LRRN3: variants seen among roughly 807,000 people sequenced by gnomAD.
The protein encoded by LRRN3 is leucine rich repeat neuronal 3.
In LRRN3, 15 loss-of-function variants were observed where a neutral mutation model predicts 40.1. That is an observed-to-expected ratio of 0.37 (90% CI 0.25 to 0.58). The LOEUF (loss-of-function observed/expected upper bound fraction) is 0.58. Ranked by LOEUF, LRRN3 falls within the 20% of genes least tolerant of loss-of-function variation. LRRN3 has a pLI of 0.72. For synonymous variants in LRRN3, 308 were observed against 297.2 expected, an observed-to-expected ratio of 1.04 and a Z score of -0.37; for missense variants, 746 against 837.7, an observed-to-expected ratio of 0.89 and a Z score of 1.35.
At chr7:111,118,773 C>T (rs905492403) in intron 2 of LRRN3, among the ~76,000 whole-genome samples, 3 of 152,018 alleles carry the variant, frequency 2.0e-5, no homozygotes, top group Non-Finnish European at 4.4e-5. Flanking sequence ...CAATATTATG[C>T]TAAAGAAACG....
intron 2 of LRRN3, among the ~76,000 whole-genome samples, chr7:111,104,861 GA>G (rs1396450533): frequency 6.6e-6 from 1 of 151,744 alleles, no homozygotes; most frequent in Non-Finnish European, 1.5e-5. Flanking sequence ...ATGGCTTCTA[GA>G]ACAGTGGGGA....
At chr7:111,121,820 A>T (rs1800661535) in intron 2 of LRRN3, among the ~76,000 whole-genome samples, 1 of 152,194 alleles carries the variant, frequency 6.6e-6, no homozygotes. Context: ...AAAGACTTGG[A>T]ACCAACCCAA....
Position 111,123,934 on chromosome 7 carries a change from T to C in LRRN3, c.1162T>C (p.Phe388Leu). 6.2e-7 allele frequency: 1 copy of C among 1,613,952 alleles called. No homozygotes were observed. Among genetic ancestry groups the C allele is most frequent in the Non-Finnish European group, 8.5e-7 (1 of 1,179,978 alleles). ...WMNMNKTNIRFMEPDSLFCVD... is the reference protein window; with the variant it reads ...WMNMNKTNIRLMEPDSLFCVD... ...GAACATGAACAAAACCAACATTCGA[T>C]TCATGGAGCCAGATTCACTGTTTTG... Residue 388 changes from phenylalanine (F) to leucine (L), a missense_variant, in exon 3 of 3, where the codon TTC (phenylalanine) becomes CTC (leucine). Coordinates refer to ENST00000308478, the MANE Select transcript of LRRN3 (RefSeq NM_001099658.2). This position sits in a 1 kb window ranked among gnomAD's most constrained non-coding sequence, Gnocchi z 6.4.
chr7:111,110,101 C>A (rs750611493), intron 2 of LRRN3, among the ~76,000 whole-genome samples: 2 of 152,194 alleles, frequency 1.3e-5, no homozygotes, highest in Non-Finnish European at 2.9e-5. Flanking sequence ...CGCCACTGCA[C>A]TCCAGCCTAG....
intron 1 of LRRN3, among the ~76,000 whole-genome samples, chr7:111,093,661 T>C (rs2107147): frequency 0.71 from 107,931 of 151,960 alleles, 40,521 homozygotes; most frequent in East Asian, 0.88. Context: ...AGATCAGTAA[T>C]GTGCCCACTT....
At chr7:111,118,651 A>G (rs890504663) in intron 2 of LRRN3, among the ~76,000 whole-genome samples, 1 of 152,142 alleles carries the variant, frequency 6.6e-6, no homozygotes, top group African/African-American at 2.4e-5. Flanking sequence ...TTTGAAAACT[A>G]TAAAGCACTA....
At chr7:111,096,754 G>A (rs1353129379) in intron 1 of LRRN3, among the ~76,000 whole-genome samples, 1 of 151,880 alleles carries the variant, frequency 6.6e-6, no homozygotes, top group Non-Finnish European at 1.5e-5. Flanking sequence ...TGGATCAAGT[G>A]TCAACATAAA....
chr7:111,106,009 A>G (rs1485522076), intron 2 of LRRN3, among the ~76,000 whole-genome samples: 1 of 152,010 alleles, frequency 6.6e-6, no homozygotes, highest in African/African-American at 2.4e-5. Context: ...AAGAGCAAGT[A>G]CAAATAATAG....
chr7:111,114,434 A>G (rs990326323), intron 2 of LRRN3, among the ~76,000 whole-genome samples: 5 of 152,258 alleles, frequency 3.3e-5, no homozygotes, highest in Non-Finnish European at 7.4e-5. Context: ...CATTGTATTA[A>G]GTTTGCACAA....
At chr7:111,103,348 C>A (rs115290536) in intron 2 of LRRN3, among the ~76,000 whole-genome samples, 158 of 151,708 alleles carry the variant, frequency 1.0e-3, no homozygotes, top group African/African-American at 3.7e-3. Flanking sequence ...CAAATATTTG[C>A]CAACTGCTAA....
chr7:111,101,886 A>G (rs951997024), intron 2 of LRRN3, among the ~76,000 whole-genome samples: 1 of 151,534 alleles, frequency 6.6e-6, no homozygotes, highest in Non-Finnish European at 1.5e-5. Flanking sequence ...CAGTCAGGTG[A>G]TATCTGTAGA....
chr7:111,117,562 T>A (rs2129586245), intron 2 of LRRN3, among the ~76,000 whole-genome samples: 1 of 152,216 alleles, frequency 6.6e-6, no homozygotes, highest in Non-Finnish European at 1.5e-5. Context: ...AAATAATTTG[T>A]TTTGAAAAAC....
intron 2 of LRRN3, among the ~76,000 whole-genome samples, chr7:111,112,236 T>C (rs919771234): frequency 3.9e-5 from 6 of 152,116 alleles, no homozygotes; most frequent in African/African-American, 1.4e-4. Flanking sequence ...AGTGCTGGGA[T>C]TACAGGCATG....
intron 2 of LRRN3, among the ~76,000 whole-genome samples, chr7:111,121,779 G>GT (rs1331265237): frequency 6.6e-6 from 1 of 152,108 alleles, no homozygotes; most frequent in Admixed American, 6.5e-5. Context: ...ACATGCACAC[G>GT]TATGTTTATT....
At position 111,124,017 on chromosome 7, in the gene LRRN3, G is replaced by A. The variant is rs1371536469; in HGVS notation, c.1245G>A (p.Met415Ile). 1.2e-6 allele frequency: 2 copies of A among 1,614,090 alleles called. No homozygotes were observed. Among genetic ancestry groups the A allele is most frequent in the Non-Finnish European group, 1.7e-6 (2 of 1,179,994 alleles). The change falls in exon 3 of 3, where the codon ATG becomes ATA. Residue 415 changes from methionine (M) to isoleucine (I), a missense_variant. Met to Ile is a conservative substitution (Grantham distance 10). Coordinates refer to ENST00000308478, the MANE Select transcript of LRRN3 (RefSeq NM_001099658.2). ...TTCGGCAAGTGCATTTCAGGGACAT[G>A]ATGGAAATTTGTCTCCCTCTTATAG... Reference protein sequence around the residue: ...QNVRQVHFRDMMEICLPLIAP... With the variant: ...QNVRQVHFRDIMEICLPLIAP...
intron 1 of LRRN3, among the ~76,000 whole-genome samples, chr7:111,097,780 CA>C (rs1456656600): frequency 2.0e-5 from 3 of 151,690 alleles, no homozygotes; most frequent in Non-Finnish European, 4.4e-5. Context: ...ACATGTTCTA[CA>C]AAAAGTATTC....
chr7:111,124,543 A>C lies in LRRN3; in HGVS notation c.1771A>C (p.Ile591Leu), dbSNP rs1801057156. ...THLNPSTEYK[I>L]CIDIPTIYQK... Reference sequence around the variant, plus strand: ...TCTGAATCCATCAACTGAGTATAAAATTTGTATTGATATTCCCACCATCTA... The same window carrying C: ...TCTGAATCCATCAACTGAGTATAAACTTTGTATTGATATTCCCACCATCTA... The change falls in exon 3 of 3, where the codon ATT becomes CTT. Residue 591 changes from isoleucine to leucine, a missense_variant. Coordinates refer to ENST00000308478, the MANE Select transcript of LRRN3 (RefSeq NM_001099658.2). The C allele has an allele frequency of 6.2e-7, 1 of 1,613,682 alleles. No individual in the cohort carries two copies. The highest frequency in any genetic ancestry group is 8.5e-7 in the Non-Finnish European group (1 of 1,179,792).
chr7:111,116,500 A>G (rs1203842681), intron 2 of LRRN3, among the ~76,000 whole-genome samples: 1 of 152,154 alleles, frequency 6.6e-6, no homozygotes, highest in East Asian at 1.9e-4. Context: ...TTGAACAATA[A>G]CAAAAATAAT....
In LRRN3 at chr7:111,124,225, G is replaced by A. The variant is rs751239044; in HGVS notation, c.1453G>A (p.Gly485Ser). The change falls in exon 3 of 3, where the codon GGC becomes AGC. Residue 485 changes from glycine to serine, a missense_variant. Gly to Ser is a moderately conservative substitution (Grantham distance 56). Transcript: ENST00000308478. The stretch of plus-strand genomic sequence containing the variant: ...TTCTGAGGGAACACTAGATATAAAT[G>A]GCGTAACTCCCAAAGAAGGGGGTTT... The part of the protein sequence containing the change: ...VHSEGTLDIN[G>S]VTPKEGGLYT... The A allele has an allele frequency of 1.4e-5, 22 of 1,613,818 alleles. No homozygotes were observed. The highest frequency in any genetic ancestry group is 1.9e-5 in the Non-Finnish European group (22 of 1,179,960).
Sources: gnomAD v4.1 joint callset for allele counts (sites outside exome capture counted in the v4.1 genomes callset) on GRCh38, gnomAD v4.1.1 for gene constraint, Gnocchi (gnomAD v3.1) non-coding constraint, MANE v1.5 for transcripts, NCBI Gene and HGNC (gene_info 2026-07-23, HGNC 2026-07-21) for gene names.